The following ALOXE3 variants were observed in gnomAD, a reference collection of about 807,000 sequenced individuals.
ALOXE3 encodes hydroperoxide isomerase ALOXE3.
ALOXE3 carries 78 observed loss-of-function variants against 87.5 expected under a neutral mutation model. The ratio of observed to expected loss-of-function variants is 0.89; its 90% CI spans 0.74 to 1.08. The LOEUF (loss-of-function observed/expected upper bound fraction) is 1.08, where lower values mean the gene tolerates loss of function less well. ALOXE3 is among the 50% of genes least tolerant of loss of function. ALOXE3 has a pLI of 0.00. For missense variants in ALOXE3, 946 were observed against 912.4 expected (o/e 1.04, Z -0.47); for synonymous variants, 363 against 370.8 (o/e 0.98, Z 0.24).
At chr17:8,105,088 C>T (rs58845323) in intron 13 of ALOXE3, among the ~76,000 whole-genome samples, 4,580 of 152,232 alleles carry the variant, frequency 0.03, 215 homozygotes, top group East Asian at 0.19. Context: ...GACAAATGCC[C>T]GTCAGATTAC....
chr17:8,096,498 T>G lies in ALOXE3; in HGVS notation c.*129A>C. 1.4e-6 allele frequency: 1 copy of G among 718,710 alleles called. No homozygotes were observed. 44.5% of individuals were successfully genotyped at this position (718,710 alleles called of 1,614,324 possible). Reference sequence around the variant, plus strand: ...GTCAGAGCCATCTTGGCTGCAAAAGTCTCCATGTGCAGAAGAGAAGGTTCA... The same window carrying G: ...GTCAGAGCCATCTTGGCTGCAAAAGGCTCCATGTGCAGAAGAGAAGGTTCA... On this transcript the variant is annotated 3_prime_UTR_variant, in exon 16 of 16. Transcript: ENST00000448843.
chr17:8,099,059 A>C (rs1978757396), intron 15 of ALOXE3, among the ~76,000 whole-genome samples: 3 of 138,890 alleles, frequency 2.2e-5, no homozygotes, highest in African/African-American at 8.0e-5. Flanking sequence ...AGGTCTCACT[A>C]TATTACTCAG....
intron 15 of ALOXE3, among the ~76,000 whole-genome samples, chr17:8,102,858 A>G (rs1979011002): frequency 6.6e-6 from 1 of 152,248 alleles, no homozygotes; most frequent in African/African-American, 2.4e-5. Context: ...CTGGGTCACC[A>G]CTGGTACTCA....
chr17:8,111,887 C>A (rs957698397), intron 7 of ALOXE3, among the ~76,000 whole-genome samples: 13 of 152,092 alleles, frequency 8.5e-5, no homozygotes, highest in Non-Finnish European at 1.9e-4. Context: ...TCCTGAATCC[C>A]CTGTTTTTGT....
chr17:8,104,970 G>C (rs1979184782), intron 13 of ALOXE3, among the ~76,000 whole-genome samples: 1 of 152,112 alleles, frequency 6.6e-6, no homozygotes, highest in South Asian at 2.1e-4. Flanking sequence ...TTCTCTGGCT[G>C]TGCCTGGCGT....
intron 11 of ALOXE3, among the ~76,000 whole-genome samples, chr17:8,109,616 T>C (rs1330211614): frequency 6.9e-6 from 1 of 144,348 alleles, no homozygotes; most frequent in Non-Finnish European, 1.5e-5. Flanking sequence ...CTGAGGGTAG[T>C]GCTGGGGCTC....
Position 8,101,631 on chromosome 17 carries a change from T to C in ALOXE3, c.1956+1692A>G, listed in dbSNP as rs1978928512. ...AGGAAGATCAAATATGTGGGATCTTTCTTTTTTTGTTGTTTTTTTGTTTTT... is the reference window on the plus strand; with the variant it reads ...AGGAAGATCAAATATGTGGGATCTTCCTTTTTTTGTTGTTTTTTTGTTTTT... On this transcript the variant is annotated intron_variant, in intron 15 of 15. Coordinates refer to ENST00000448843, the MANE Select transcript of ALOXE3 (RefSeq NM_021628.3). Among the ~76,000 whole-genome samples, 4 of 152,050 alleles carry C rather than the reference T, an allele frequency of 2.6e-5. No homozygotes were observed. In the South Asian group the frequency reaches 8.3e-4, roughly 31 times the overall value.
chr17:8,107,729 G>A (rs1598203549), intron 13 of ALOXE3, among the ~76,000 whole-genome samples: 1 of 150,614 alleles, frequency 6.6e-6, no homozygotes, highest in East Asian at 1.9e-4. Flanking sequence ...AACCCGGGAG[G>A]CGGAGCTTGC....
upstream of ALOXE3, chr17:8,118,845 G>A (rs1980846731): frequency 2.0e-6 from 3 of 1,534,588 alleles, no homozygotes; most frequent in Non-Finnish European, 2.6e-6. Context: ...TCCGGGATCT[G>A]GGCCACTAGG....
Position 8,114,946 on chromosome 17 carries a change from C to G in ALOXE3, c.546G>C (p.Gln182His), listed in dbSNP as rs758974473. 3 of 1,613,924 alleles carry G rather than the reference C, an allele frequency of 1.9e-6. No individual in the cohort carries two copies. The highest frequency in any genetic ancestry group is 2.7e-5 in the African/African-American group (2 of 74,864). Residue 182 changes from glutamine to histidine, a missense_variant, in exon 5 of 16, where the codon CAG (glutamine) becomes CAC (histidine). By Grantham distance (24) the Gln-to-His change is conservative. Transcript: ENST00000448843. ...ALTKTTTCVD[Q>H]GDSSGNRYLP... is the part of the protein sequence containing the mutation. ...CAAGCTTTAATCTTCACCTGTCACC[C>G]TGGTCTACACAAGTTGTCGTCTTTG... is the stretch of plus-strand genomic sequence containing the variant.
chr17:8,112,254 A>G lies in ALOXE3; in HGVS notation c.681-58T>C. 4.5e-6 allele frequency: 6 copies of G among 1,330,986 alleles called. No homozygotes were observed. The South Asian group carries it at 5.9e-5, about 13-fold the overall frequency. 82.4% of individuals were successfully genotyped at this position (1,330,986 alleles called of 1,614,324 possible). On this transcript the variant is annotated intron_variant, in intron 6 of 15. Coordinates refer to ENST00000448843, the MANE Select transcript of ALOXE3 (RefSeq NM_021628.3). The stretch of plus-strand genomic sequence containing the variant: ...TGGGGGCTAGAGTCTGCTGGGAATC[A>G]CTGTGTGCCCCTCTGCCTGGAGGAA...
Position 8,108,364 on chromosome 17 carries a change from T to C in ALOXE3, c.1684+104A>G. On this transcript the variant is annotated intron_variant, in intron 13 of 15. Coordinates refer to ENST00000448843, the MANE Select transcript of ALOXE3 (RefSeq NM_021628.3). ...CTGCTAGTTGGGGATATTAATAGTA[T>C]CTACTTCAAAGGCTGGTCAATAAAT... The C allele has an allele frequency of 2.7e-6, 4 of 1,498,030 alleles. No individual in the cohort carries two copies. In the East Asian group the frequency reaches 1.0e-4, roughly 38 times the overall value. 92.8% of individuals were successfully genotyped at this position (1,498,030 alleles called of 1,614,324 possible). A position where few individuals can be genotyped will look rare whatever the true frequency, so the allele number is the denominator to read the frequency against.
chr17:8,100,419 G>A (rs75205923), intron 15 of ALOXE3, among the ~76,000 whole-genome samples: 11,720 of 152,230 alleles, frequency 0.077, 603 homozygotes, highest in Middle Eastern at 0.15. Flanking sequence ...GTCACCAGCT[G>A]ATTGCATGCA....
Position 8,098,549 on chromosome 17 carries a change from C to T in ALOXE3, c.1957-1743G>A, listed in dbSNP as rs182045465. 3.9e-4 allele frequency among the ~76,000 whole-genome samples: 59 copies of T among 152,258 alleles called. No individual in the cohort carries two copies. The East Asian group carries it at 8.3e-3, about 21-fold the overall frequency. On this transcript the variant is annotated intron_variant, in intron 15 of 15. Coordinates refer to ENST00000448843, the MANE Select transcript of ALOXE3 (RefSeq NM_021628.3). ...GCCACTACACCCAGCCTGAAATATACTTCTAATCAAAACTCCTTAAGGGGG... is the reference window on the plus strand; with the variant it reads ...GCCACTACACCCAGCCTGAAATATATTTCTAATCAAAACTCCTTAAGGGGG...
At chr17:8,100,452 C>G (rs1598195071) in intron 15 of ALOXE3, among the ~76,000 whole-genome samples, 1 of 152,166 alleles carries the variant, frequency 6.6e-6, no homozygotes, top group African/African-American at 2.4e-5. Context: ...TAGCCAGTAC[C>G]CTCTGGACTG....
At chr17:8,105,166 G>A (rs1979201008) in intron 13 of ALOXE3, among the ~76,000 whole-genome samples, 1 of 152,182 alleles carries the variant, frequency 6.6e-6, no homozygotes, top group African/African-American at 2.4e-5. Flanking sequence ...CTACTTGATT[G>A]GGCCCCAGCC....
upstream of ALOXE3, chr17:8,118,653 C>T: frequency 1.3e-6 from 2 of 1,537,274 alleles, no homozygotes; most frequent in East Asian, 2.4e-5. Context: ...ACCGATCCCC[C>T]CACGCATGGC....
At chr17:8,106,914 C>G (rs983040718) in intron 13 of ALOXE3, among the ~76,000 whole-genome samples, 1 of 151,770 alleles carries the variant, frequency 6.6e-6, no homozygotes, top group African/African-American at 2.4e-5. Flanking sequence ...TTGAATTAAC[C>G]TCAGACTGAC....
intron 15 of ALOXE3, among the ~76,000 whole-genome samples, chr17:8,097,918 T>C (rs139429393): frequency 0.011 from 1,697 of 151,944 alleles, 11 homozygotes; most frequent in Non-Finnish European, 0.018. Flanking sequence ...TGGCTAATTT[T>C]TTGTATTTTT....
Sources: gnomAD v4.1 joint callset for allele counts (sites outside exome capture counted in the v4.1 genomes callset) on GRCh38, gnomAD v4.1.1 for gene constraint, MANE v1.5 for transcripts, NCBI Gene and HGNC (gene_info 2026-07-23, HGNC 2026-07-21) for gene names.